The following DRC11 variants were observed in gnomAD, a reference collection of about 807,000 sequenced individuals.
DRC11 encodes IQ and AAA domain-containing protein 1.
chr2:236,502,544 C>T, the DRC11 span, among the ~76,000 whole-genome samples: 2 of 55,720 alleles, frequency 3.6e-5, no homozygotes, highest in South Asian at 6.3e-4. Context: ...CCACTGCACT[C>T]CAGCAAAAAA....
chr2:236,416,755 ATATATATATATAT>A, the DRC11 span, among the ~76,000 whole-genome samples: 13 of 81,964 alleles, frequency 1.6e-4, no homozygotes, highest in Non-Finnish European at 2.5e-4. Context: ...ATATATATAT[ATATATATATATAT>A]AAATAATTTT....
At chr2:236,373,470 G>C in the DRC11 span, among the ~76,000 whole-genome samples, 1 of 151,980 alleles carries the variant, frequency 6.6e-6, no homozygotes, top group East Asian at 1.9e-4. Context: ...AGGCTGGTCT[G>C]GAACTCCTGA....
At chr2:236,506,065 C>G in the DRC11 span, among the ~76,000 whole-genome samples, 2 of 152,186 alleles carry the variant, frequency 1.3e-5, no homozygotes, top group Non-Finnish European at 2.9e-5. The surrounding 1 kb of genome is among the most constrained non-coding windows in gnomAD (Gnocchi z 4.9). Context: ...ACTGCCAAAT[C>G]AACAGTCAGT....
At chr2:236,391,524 T>C in the DRC11 span, 64 of 170,398 alleles carry the variant, frequency 3.8e-4, no homozygotes, top group Non-Finnish European at 6.3e-4. This position sits in a 1 kb window ranked among gnomAD's most constrained non-coding sequence, Gnocchi z 4.5. Flanking sequence ...AACTAGCTAC[T>C]CTAAACCACT....
the DRC11 span, among the ~76,000 whole-genome samples, chr2:236,358,275 A>G: frequency 5.3e-5 from 7 of 133,058 alleles, no homozygotes; most frequent in East Asian, 4.3e-4. Flanking sequence ...TATAATATAT[A>G]GATATATATA....
the DRC11 span, among the ~76,000 whole-genome samples, chr2:236,493,598 C>G: frequency 3.9e-5 from 6 of 152,060 alleles, no homozygotes; most frequent in Admixed American, 3.9e-4. Flanking sequence ...TTATATATCA[C>G]CAAAAGCACA....
the DRC11 span, among the ~76,000 whole-genome samples, chr2:236,323,224 G>C: frequency 6.6e-6 from 1 of 152,246 alleles, no homozygotes; most frequent in Non-Finnish European, 1.5e-5. This position sits in a 1 kb window ranked among gnomAD's most constrained non-coding sequence, Gnocchi z 6.4. Flanking sequence ...CATGACACGT[G>C]AAAGGATCTT....
the DRC11 span, among the ~76,000 whole-genome samples, chr2:236,477,577 T>C: frequency 6.6e-6 from 1 of 152,132 alleles, no homozygotes; most frequent in Non-Finnish European, 1.5e-5. Flanking sequence ...GGTCTTTTCT[T>C]CTCCTTAATT....
At chr2:236,486,140 C>T in the DRC11 span, among the ~76,000 whole-genome samples, 1 of 152,226 alleles carries the variant, frequency 6.6e-6, no homozygotes, top group Non-Finnish European at 1.5e-5. This position sits in a 1 kb window ranked among gnomAD's most constrained non-coding sequence, Gnocchi z 5.7. Context: ...GAGCTGGGGG[C>T]TGCCTACAGC....
the DRC11 span, among the ~76,000 whole-genome samples, chr2:236,470,705 C>A: frequency 6.6e-6 from 1 of 152,012 alleles, no homozygotes; most frequent in African/African-American, 2.4e-5. The surrounding 1 kb of genome is among the most constrained non-coding windows in gnomAD (Gnocchi z 5.1). Context: ...TAAAGATGAA[C>A]CCAGCAGGAG....
chr2:236,364,204 G>T, the DRC11 span, among the ~76,000 whole-genome samples: 3 of 95,706 alleles, frequency 3.1e-5, no homozygotes, highest in South Asian at 4.1e-4. Context: ...GGGTCTCTGC[G>T]GGTCCTTAAT....
At chr2:236,447,363 T>C in the DRC11 span, among the ~76,000 whole-genome samples, 1 of 151,638 alleles carries the variant, frequency 6.6e-6, no homozygotes, top group Non-Finnish European at 1.5e-5. This position sits in a 1 kb window ranked among gnomAD's most constrained non-coding sequence, Gnocchi z 4.6. Context: ...GGGAAGATGC[T>C]GTGAAGAGAC....
At chr2:236,309,836 G>A in the DRC11 span, among the ~76,000 whole-genome samples, 4 of 152,208 alleles carry the variant, frequency 2.6e-5, no homozygotes, top group Non-Finnish European at 5.9e-5. The surrounding 1 kb of genome is among the most constrained non-coding windows in gnomAD (Gnocchi z 5.7). Context: ...CTCTCACCGT[G>A]CTCCTGGAGG....
At chr2:236,369,067 T>A in the DRC11 span, 1 of 152,242 alleles carries the variant, frequency 6.6e-6, no homozygotes, top group South Asian at 2.1e-4. The surrounding 1 kb of genome is among the most constrained non-coding windows in gnomAD (Gnocchi z 4.5). Flanking sequence ...TCTTGATCTG[T>A]ATCTGAATCT....
the DRC11 span, among the ~76,000 whole-genome samples, chr2:236,480,273 T>G: frequency 5.9e-5 from 9 of 152,148 alleles, no homozygotes; most frequent in Admixed American, 1.3e-4. Flanking sequence ...TTGGATATTT[T>G]TATCTTTCTC....
At chr2:236,408,675 T>G in the DRC11 span, 669 of 722,004 alleles carry the variant, frequency 9.3e-4, 3 homozygotes, top group African/African-American at 0.011. This position sits in a 1 kb window ranked among gnomAD's most constrained non-coding sequence, Gnocchi z 5.5. Context: ...TTTCTTGCAG[T>G]AATTGGTAAA....
At chr2:236,350,820 C>T in the DRC11 span, among the ~76,000 whole-genome samples, 1 of 152,212 alleles carries the variant, frequency 6.6e-6, no homozygotes, top group Non-Finnish European at 1.5e-5. The surrounding 1 kb of genome is among the most constrained non-coding windows in gnomAD (Gnocchi z 5.2). Flanking sequence ...GCTCGGATCT[C>T]TGGCTTTCCT....
the DRC11 span, among the ~76,000 whole-genome samples, chr2:236,357,750 A>ATATATAATT: frequency 1.6e-5 from 2 of 126,846 alleles, no homozygotes; most frequent in East Asian, 2.3e-4. Context: ...ATATGTAAAT[A>ATATATAATT]TATAAATATA....
chr2:236,358,237 TAATA>T, the DRC11 span, among the ~76,000 whole-genome samples: 3 of 130,796 alleles, frequency 2.3e-5, no homozygotes, highest in African/African-American at 6.0e-5. Context: ...TATGAATATA[TAATA>T]TATAGATGTA....
Sources: allele counts gnomAD v4.1 joint callset (sites outside exome capture counted in the v4.1 genomes callset), GRCh38; gene constraint gnomAD v4.1.1; non-coding constraint Gnocchi (gnomAD v3.1); transcripts MANE v1.5; gene names NCBI Gene and HGNC (gene_info 2026-07-23, HGNC 2026-07-21).